CNTN3: variants seen among roughly 807,000 people sequenced by gnomAD.
CNTN3 encodes the protein contactin 3.
In CNTN3, 60 loss-of-function variants were observed where a neutral mutation model predicts 119.1. The ratio of observed to expected loss-of-function variants is 0.50; its 90% CI spans 0.41 to 0.62. CNTN3 has a LOEUF of 0.62. Among genes scored for constraint, CNTN3 ranks in the 20% least tolerant of loss-of-function variants. CNTN3 has a pLI of 0.00. For missense variants in CNTN3, 1,101 were observed against 1,242.4 expected (o/e 0.89, Z 1.71); for synonymous variants, 450 against 438.7 (o/e 1.03, Z -0.32).
intron 3 of CNTN3, 100 bp downstream of exon 3, chr3:74,499,559 T>G: frequency 8.9e-7 from 1 of 1,119,176 alleles, no homozygotes; most frequent in Non-Finnish European, 1.2e-6. Context: ...TATTTTTTTC[T>G]TACTGATGGC....
rs183344265 is a variant in CNTN3 at position 74,491,318 on chromosome 3, C to T, written c.183-4687G>A. On this transcript the variant is annotated intron_variant, in intron 3 of 22. Coordinates refer to ENST00000263665, the MANE Select transcript of CNTN3 (RefSeq NM_020872.3). ...TAGTTTGAGACCAGCCTGGGCAACA[C>T]GGAGAAACCATCTTTACAAAAAAAA... Among the ~76,000 whole-genome samples the T allele has an allele frequency of 8.1e-3, 1,186 of 146,816 alleles. 7 individuals are homozygous for T. The highest frequency in any genetic ancestry group is 0.012 in the Non-Finnish European group (807 of 65,908).
chr3:74,425,003 C>T, intron 4 of CNTN3, 63 bp from the exon 5 acceptor site: 3 of 1,060,338 alleles, frequency 2.8e-6, no homozygotes, highest in Non-Finnish European at 4.1e-6. Context: ...AATTTTACAC[C>T]AAGACCTTCC....
intron 11 of CNTN3, among the ~76,000 whole-genome samples, chr3:74,347,642 T>G (rs753883796): frequency 6.6e-6 from 1 of 152,220 alleles, no homozygotes; most frequent in Non-Finnish European, 1.5e-5. Context: ...TTCTGTTCCT[T>G]ATGCAAGCTC....
intron 5 of CNTN3, among the ~76,000 whole-genome samples, chr3:74,412,528 C>G (rs1461968062): frequency 6.6e-6 from 1 of 152,110 alleles, no homozygotes; most frequent in Non-Finnish European, 1.5e-5. Context: ...CTTTATAAAC[C>G]ATCCCCTTGA....
At chr3:74,459,884 C>T (rs1173677976) in intron 4 of CNTN3, among the ~76,000 whole-genome samples, 1 of 152,032 alleles carries the variant, frequency 6.6e-6, no homozygotes, top group African/African-American at 2.4e-5. Context: ...ACTGTAAATA[C>T]TTCAGAATTA....
chr3:74,286,029 A>G (rs1202773324), intron 19 of CNTN3, among the ~76,000 whole-genome samples: 1 of 151,990 alleles, frequency 6.6e-6, no homozygotes, highest in Non-Finnish European at 1.5e-5. Flanking sequence ...GGATTTAAAT[A>G]GTCAAAGTAC....
At chr3:74,518,827 C>A (rs548623869) in intron 2 of CNTN3, among the ~76,000 whole-genome samples, 2 of 151,866 alleles carry the variant, frequency 1.3e-5, no homozygotes, top group Non-Finnish European at 2.9e-5. Flanking sequence ...CAGTCTTAGG[C>A]TGTATTTGCA....
chr3:74,389,702 AG>A (rs901615916), intron 5 of CNTN3, among the ~76,000 whole-genome samples: 42 of 152,256 alleles, frequency 2.8e-4, no homozygotes, highest in Non-Finnish European at 5.9e-4. Flanking sequence ...AGGCATAATA[AG>A]TGGGGGAAGC....
chr3:74,416,901 T>G (rs546128765), intron 5 of CNTN3, among the ~76,000 whole-genome samples: 1 of 151,746 alleles, frequency 6.6e-6, no homozygotes, highest in Non-Finnish European at 1.5e-5. Flanking sequence ...GGCATGAGAA[T>G]TGCTTGAACC....
chr3:74,477,168 C>T (rs1007745336), intron 4 of CNTN3, among the ~76,000 whole-genome samples: 4 of 152,000 alleles, frequency 2.6e-5, no homozygotes, highest in African/African-American at 9.7e-5. Context: ...TCACTTAATC[C>T]ACACACCTAC....
In CNTN3 at chr3:74,501,791, G is replaced by GAA. The variant is rs11383452; in HGVS notation, c.56-2008_56-2007dup. On this transcript the variant is annotated intron_variant, in intron 2 of 22. Transcript: ENST00000263665. ...CATCTATCAGGGGAAATTGCCAAAG[G>GAA]AAAAAAAAAAAGCTTCCGTTTCCCT... Among the ~76,000 whole-genome samples the GAA allele has an allele frequency of 7.7e-3, 1,126 of 147,118 alleles. 11 individuals are homozygous for GAA. The highest frequency in any genetic ancestry group is 0.025 in the African/African-American group (1,024 of 40,338).
chr3:74,457,051 T>C (rs1019254122), intron 4 of CNTN3, among the ~76,000 whole-genome samples: 2 of 152,090 alleles, frequency 1.3e-5, no homozygotes, highest in South Asian at 2.1e-4. Context: ...TTTAAGATTA[T>C]TAAAATGTCA....
chr3:74,312,989 C>T (rs907476202), intron 13 of CNTN3, among the ~76,000 whole-genome samples: 8 of 148,476 alleles, frequency 5.4e-5, no homozygotes, highest in East Asian at 2.0e-4. Flanking sequence ...ATTCTAAGAA[C>T]CAAAAACAAA....
At chr3:74,470,787 G>T (rs1702545414) in intron 4 of CNTN3, among the ~76,000 whole-genome samples, 1 of 152,070 alleles carries the variant, frequency 6.6e-6, no homozygotes, top group South Asian at 2.1e-4. Flanking sequence ...AAAATATACT[G>T]GTCTTCCAAT....
At chr3:74,372,050 C>G (rs1704353370) in intron 5 of CNTN3, among the ~76,000 whole-genome samples, 1 of 152,136 alleles carries the variant, frequency 6.6e-6, no homozygotes, top group Admixed American at 6.6e-5. Context: ...GTGAACTCTC[C>G]TTTAATCCTC....
intron 1 of CNTN3, among the ~76,000 whole-genome samples, chr3:74,543,092 T>A (rs556147303): frequency 6.6e-6 from 1 of 152,076 alleles, no homozygotes; most frequent in South Asian, 2.1e-4. Context: ...TGTACACCAC[T>A]GCACTCCACC....
intron 5 of CNTN3, among the ~76,000 whole-genome samples, chr3:74,418,073 A>G (rs1701553723): frequency 6.6e-6 from 1 of 152,116 alleles, no homozygotes; most frequent in Non-Finnish European, 1.5e-5. Context: ...TGCTGCTGTA[A>G]TGCAACTTTT....
At chr3:74,409,751 T>A (rs1292935267) in intron 5 of CNTN3, among the ~76,000 whole-genome samples, 3 of 152,176 alleles carry the variant, frequency 2.0e-5, no homozygotes, top group Non-Finnish European at 4.4e-5. Context: ...GACTAAGAAG[T>A]CAATTTTTAG....
At chr3:74,432,555 T>C (rs796330413) in intron 4 of CNTN3, among the ~76,000 whole-genome samples, 10 of 152,278 alleles carry the variant, frequency 6.6e-5, no homozygotes, top group African/African-American at 2.4e-4. Flanking sequence ...AAGTTTCAAG[T>C]AGTTGATAAA....
Sources: allele counts gnomAD v4.1 joint callset (sites outside exome capture counted in the v4.1 genomes callset), GRCh38; gene constraint gnomAD v4.1.1; transcripts MANE v1.5; gene names NCBI Gene and HGNC (gene_info 2026-07-23, HGNC 2026-07-21).